Variants in MAGI1 observed in about 807,000 individuals in gnomAD.
MAGI1 encodes the protein membrane associated guanylate kinase, WW and PDZ domain containing 1, also known as membrane-associated guanylate kinase, WW and PDZ domain-containing protein 1.
In MAGI1, 58 loss-of-function variants were observed where a neutral mutation model predicts 139.9. The ratio of observed to expected loss-of-function variants is 0.41; its 90% CI spans 0.34 to 0.52. The LOEUF (loss-of-function observed/expected upper bound fraction) is 0.52, where lower values mean the gene tolerates loss of function less well. Among genes scored for constraint, MAGI1 ranks in the 20% least tolerant of loss-of-function variants. The probability of loss-of-function intolerance (pLI) is 0.12; values close to 1 mark genes in which losing one functional copy is unlikely to be tolerated. For missense variants in MAGI1, 1,874 were observed against 1,901.6 expected (o/e 0.99, Z 0.27); for synonymous variants, 812 against 737.9 (o/e 1.10, Z -1.63).
chr3:65,981,489 T>C (rs950416685), intron 1 of MAGI1, among the ~76,000 whole-genome samples: 3 of 152,196 alleles, frequency 2.0e-5, no homozygotes, highest in African/African-American at 4.8e-5. Context: ...TCATCATCTG[T>C]AAAATTGAGA....
At chr3:65,434,923 G>A (rs1208453411) in intron 10 of MAGI1, among the ~76,000 whole-genome samples, 3 of 152,198 alleles carry the variant, frequency 2.0e-5, no homozygotes, top group African/African-American at 7.2e-5. Context: ...GGGGCCTTTG[G>A]GAGGTGATTA....
At chr3:65,960,594 A>G (rs1171026782) in intron 1 of MAGI1, among the ~76,000 whole-genome samples, 3 of 152,232 alleles carry the variant, frequency 2.0e-5, no homozygotes, top group Non-Finnish European at 2.9e-5. Flanking sequence ...AAGAGGGGAA[A>G]AAGTGCGTAA....
At chr3:65,910,613 G>C (rs909008843) in intron 1 of MAGI1, among the ~76,000 whole-genome samples, 3 of 152,002 alleles carry the variant, frequency 2.0e-5, no homozygotes, top group African/African-American at 7.2e-5. Flanking sequence ...TCTGAGAAAA[G>C]AGTCACTACT....
At chr3:65,699,086 C>G (rs1260168375) in intron 1 of MAGI1, among the ~76,000 whole-genome samples, 2 of 113,960 alleles carry the variant, frequency 1.8e-5, no homozygotes, top group Admixed American at 8.7e-5. Context: ...AGACACTTCT[C>G]AAAAGAAGAC....
At chr3:65,653,505 G>A (rs1215014529) in intron 1 of MAGI1, among the ~76,000 whole-genome samples, 1 of 152,152 alleles carries the variant, frequency 6.6e-6, no homozygotes, top group African/African-American at 2.4e-5. Flanking sequence ...TGGATGTGGG[G>A]CACAGAACAC....
intron 1 of MAGI1, among the ~76,000 whole-genome samples, chr3:65,888,241 C>G (rs2060607687): frequency 6.6e-6 from 1 of 152,120 alleles, no homozygotes. Context: ...GACTTAAAAT[C>G]TAAGAAGCCA....
chr3:65,996,548 G>C (rs1189391455), intron 1 of MAGI1, among the ~76,000 whole-genome samples: 2 of 151,730 alleles, frequency 1.3e-5, no homozygotes, highest in Non-Finnish European at 2.9e-5. Flanking sequence ...TAAGGGGGGG[G>C]GGGGGGAAGC....
intron 1 of MAGI1, among the ~76,000 whole-genome samples, chr3:65,932,247 G>A (rs889623911): frequency 2.0e-5 from 3 of 152,082 alleles, no homozygotes; most frequent in Admixed American, 1.3e-4. Context: ...AGGTCTGTTC[G>A]AAGACTATGG....
At chr3:65,768,290 C>A (rs998430490) in intron 1 of MAGI1, among the ~76,000 whole-genome samples, 4 of 152,042 alleles carry the variant, frequency 2.6e-5, no homozygotes, top group African/African-American at 9.7e-5. Flanking sequence ...TATGGTGGTG[C>A]CCACCTGTAG....
At chr3:65,497,719 G>C (rs1396510525) in intron 2 of MAGI1, among the ~76,000 whole-genome samples, 1 of 152,060 alleles carries the variant, frequency 6.6e-6, no homozygotes, top group African/African-American at 2.4e-5. Context: ...AATTTGTCAG[G>C]TTTACCTTAA....
intron 12 of MAGI1, among the ~76,000 whole-genome samples, chr3:65,413,167 C>G (rs1417594450): frequency 6.6e-6 from 1 of 152,134 alleles, no homozygotes; most frequent in Non-Finnish European, 1.5e-5. Context: ...GTGATGGTCA[C>G]TTTTTGTCAC....
chr3:65,909,699 A>C (rs72905073), intron 1 of MAGI1, among the ~76,000 whole-genome samples: 49 of 152,322 alleles, frequency 3.2e-4, no homozygotes, highest in African/African-American at 1.2e-3. Context: ...CTGTATCCCC[A>C]AAAATTAAAA....
intron 1 of MAGI1, among the ~76,000 whole-genome samples, chr3:65,883,691 T>G (rs572086096): frequency 6.6e-6 from 1 of 152,238 alleles, no homozygotes; most frequent in African/African-American, 2.4e-5. Context: ...GACACCTTCC[T>G]GAATTGCCAC....
intron 14 of MAGI1, chr3:65,387,237 A>G (rs1943523025): frequency 6.2e-7 from 1 of 1,606,704 alleles, no homozygotes; most frequent in South Asian, 1.1e-5. Context: ...CTGGAATATT[A>G]ATTTCACAAT....
intron 12 of MAGI1, among the ~76,000 whole-genome samples, chr3:65,419,472 C>T (rs558182121): frequency 1.3e-5 from 2 of 152,176 alleles, no homozygotes; most frequent in African/African-American, 2.4e-5. Context: ...TCACAGCCCA[C>T]AGTTTATAGA....
chr3:65,578,781 C>T (rs1207053200), intron 2 of MAGI1, among the ~76,000 whole-genome samples: 2 of 151,994 alleles, frequency 1.3e-5, no homozygotes, highest in East Asian at 1.9e-4. Flanking sequence ...ACTAGCGGGG[C>T]GTGGTGGCAC....
rs533156212 is a variant in MAGI1, at chr3:65,519,543, G to A, written c.431-25912C>T. Among the ~76,000 whole-genome samples, 21 of 152,076 alleles carry A rather than the reference G, an allele frequency of 1.4e-4. 1 individual carries two copies. The highest frequency in any genetic ancestry group is 4.3e-4 in the African/African-American group (18 of 41,468). On this transcript the variant is annotated intron_variant, in intron 2 of 22. Transcript: ENST00000402939. ...TGGGATTACAGGCACCTGCCACCAC[G>A]GCTGGCTAATTTTTGTATTTTTAGT...
intron 3 of MAGI1, among the ~76,000 whole-genome samples, chr3:65,481,335 G>A (rs541018823): frequency 2.0e-5 from 3 of 152,206 alleles, no homozygotes; most frequent in African/African-American, 4.8e-5. Context: ...TACAGTGGTT[G>A]TATCAAAGGA....
chr3:65,979,007 T>G (rs1309760997), intron 1 of MAGI1, among the ~76,000 whole-genome samples: 1 of 151,328 alleles, frequency 6.6e-6, no homozygotes, highest in Non-Finnish European at 1.5e-5. Context: ...TGAGCCCAAC[T>G]ATCCATCTCA....
Sources: gnomAD v4.1 joint callset for allele counts (sites outside exome capture counted in the v4.1 genomes callset) on GRCh38, gnomAD v4.1.1 for gene constraint, MANE v1.5 for transcripts, NCBI Gene and HGNC (gene_info 2026-07-23, HGNC 2026-07-21) for gene names.